The following HYDIN variants were observed in gnomAD, a reference collection of about 807,000 sequenced individuals.
HYDIN encodes HYDIN axonemal central pair apparatus protein, also known as axonemal central pair apparatus protein HYDIN.
In HYDIN, 132 loss-of-function variants were observed where a neutral mutation model predicts 403.9. That is an observed-to-expected ratio of 0.33 (90% CI 0.28 to 0.38). The LOEUF is 0.38. Ranked by LOEUF, HYDIN falls within the 10% of genes least tolerant of loss-of-function variation. The pLI is 1.00. For missense variants in HYDIN, 2,827 were observed against 5,009.5 expected (o/e 0.56, Z 13.15); for synonymous variants, 1,202 against 1,891.7 (o/e 0.64, Z 9.46).
At chr16:70,937,019 G>C (rs1166517811) in intron 44 of HYDIN, among the ~76,000 whole-genome samples, 2 of 151,568 alleles carry the variant, frequency 1.3e-5, no homozygotes, top group African/African-American at 2.4e-5. Context: ...GTGAGGGAAT[G>C]GTACTTCTGA....
At chr16:71,016,376 G>A (rs536501193) in intron 23 of HYDIN, among the ~76,000 whole-genome samples, 5 of 152,150 alleles carry the variant, frequency 3.3e-5, no homozygotes, top group African/African-American at 7.2e-5. Context: ...GATGCTCAAC[G>A]TCATTAAATA....
chr16:71,197,779 T>C (rs534523214), intron 1 of HYDIN, among the ~76,000 whole-genome samples: 4 of 152,240 alleles, frequency 2.6e-5, no homozygotes, highest in Admixed American at 6.5e-5. Flanking sequence ...TGAGACAGAG[T>C]CTTACCCACC....
At chr16:71,019,023 A>G (rs1344149752) in intron 22 of HYDIN, among the ~76,000 whole-genome samples, 1 of 150,818 alleles carries the variant, frequency 6.6e-6, no homozygotes, top group Admixed American at 6.6e-5. Flanking sequence ...TTTTAAGCAC[A>G]GTGTCATCCA....
intron 23 of HYDIN, among the ~76,000 whole-genome samples, chr16:70,995,109 C>T (rs1416986664): frequency 6.6e-6 from 1 of 152,156 alleles, no homozygotes. Flanking sequence ...CTGCTTGCCC[C>T]CTGAGCCACA....
chr16:71,146,539 A>ATTT (rs1200986381), intron 7 of HYDIN, among the ~76,000 whole-genome samples: 4 of 70,386 alleles, frequency 5.7e-5, no homozygotes, highest in African/African-American at 8.3e-5. Context: ...CAGGAGGTTC[A>ATTT]AATATATCTA....
chr16:71,047,927 T>A (rs944906048), intron 18 of HYDIN, among the ~76,000 whole-genome samples: 2 of 151,924 alleles, frequency 1.3e-5, no homozygotes, highest in Non-Finnish European at 2.9e-5. Context: ...TATAGAACAC[T>A]AGAGCTTATT....
intron 75 of HYDIN, among the ~76,000 whole-genome samples, chr16:70,842,314 G>C (rs2037883266): frequency 6.6e-6 from 1 of 152,132 alleles, no homozygotes; most frequent in Non-Finnish European, 1.5e-5. Context: ...TTGTTGAATT[G>C]TTTATTTCTT....
At chr16:71,184,064 A>T (rs2087022453) in intron 3 of HYDIN, among the ~76,000 whole-genome samples, 1 of 152,168 alleles carries the variant, frequency 6.6e-6, no homozygotes, top group South Asian at 2.1e-4. Flanking sequence ...ATAAAAAGCT[A>T]GCAATGCTCA....
At position 70,941,636 on chromosome 16, in the gene HYDIN, C is replaced by T. The variant is rs376758579; in HGVS notation, c.6853G>A (p.Glu2285Lys). Residue 2285 changes from glutamate to lysine, a missense_variant and splice_region_variant, in exon 43 of 86, where the codon GAA becomes AAA. Transcript: ENST00000393567. ...AQEKAKKEQE[E>K]RKHKGALEKE... ...CCAATGGAAAGGTAGGAGGCCTTGCCTTCTTGCTCCTTTTTGGCTTTCTCC... is the reference window on the plus strand; with the variant it reads ...CCAATGGAAAGGTAGGAGGCCTTGCTTTCTTGCTCCTTTTTGGCTTTCTCC... 3 of 1,531,750 alleles carry T rather than the reference C, an allele frequency of 2.0e-6. No homozygotes were observed. Among genetic ancestry groups the T allele is most frequent in the South Asian group, 1.3e-5 (1 of 78,894 alleles). 94.9% of individuals were successfully genotyped at this position (1,531,750 alleles called of 1,614,324 possible). A position where few individuals can be genotyped will look rare whatever the true frequency, so the allele number is the denominator to read the frequency against.
chr16:71,068,099 T>C (rs1266209098), intron 14 of HYDIN, among the ~76,000 whole-genome samples: 1 of 148,592 alleles, frequency 6.7e-6, no homozygotes, highest in Non-Finnish European at 1.5e-5. Flanking sequence ...AGGGAGGCTC[T>C]TGGGGGGCTC....
chr16:71,106,976 T>TA (rs2083639669), intron 10 of HYDIN, among the ~76,000 whole-genome samples: 1 of 146,124 alleles, frequency 6.8e-6, no homozygotes, highest in Non-Finnish European at 1.5e-5. Context: ...TATGCAGCCA[T>TA]AAAAAATGAT....
At chr16:70,879,829 G>A (rs1212808273) in intron 60 of HYDIN, 73 bp from the exon 61 acceptor site, 38 of 583,954 alleles carry the variant, frequency 6.5e-5, no homozygotes, top group Non-Finnish European at 1.0e-4. Flanking sequence ...TTATTTTCAG[G>A]AGTCCCCCAC....
chr16:70,875,077 AT>A (rs1388846767), intron 62 of HYDIN, among the ~76,000 whole-genome samples, 158 bp from the exon 63 acceptor site: 1 of 152,080 alleles, frequency 6.6e-6, no homozygotes, highest in Admixed American at 6.5e-5. Flanking sequence ...TAAATAATAA[AT>A]ATTAGACCTG....
intron 18 of HYDIN, among the ~76,000 whole-genome samples, chr16:71,056,355 C>A (rs1317669622): frequency 6.6e-6 from 1 of 152,092 alleles, no homozygotes; most frequent in Non-Finnish European, 1.5e-5. Context: ...AAAATATAAT[C>A]TTCACTGTTT....
rs543824676 is a variant in HYDIN, at chr16:71,120,611, A to T, written c.1228-4816T>A. The stretch of plus-strand genomic sequence containing the variant: ...AATACTTACAGGGGATCTTTAAAAA[A>T]AACTCCCTTGAAAATCCTTAAACAA... On this transcript the variant is annotated intron_variant, in intron 9 of 85. Coordinates refer to ENST00000393567, the MANE Select transcript of HYDIN (RefSeq NM_001270974.2). Among the ~76,000 whole-genome samples the T allele has an allele frequency of 4.6e-5, 7 of 151,994 alleles. No individual in the cohort carries two copies. The East Asian group carries it at 1.4e-3, about 29-fold the overall frequency.
At chr16:70,850,248 C>T (rs1352691219) in intron 74 of HYDIN, among the ~76,000 whole-genome samples, 200 bp downstream of exon 74, 3 of 103,058 alleles carry the variant, frequency 2.9e-5, no homozygotes, top group African/African-American at 1.7e-4. Flanking sequence ...ATCTCTCCAC[C>T]CCCCCCTGAA....
At chr16:70,938,929 C>A (rs913347072) in intron 43 of HYDIN, among the ~76,000 whole-genome samples, 174 bp from the exon 44 acceptor site, 2 of 152,118 alleles carry the variant, frequency 1.3e-5, no homozygotes, top group Non-Finnish European at 2.9e-5. Flanking sequence ...CACATTTGGG[C>A]TCTGTCTGCA....
At position 70,938,650 on chromosome 16, in the gene HYDIN, C is replaced by T. The variant is rs752976886; in HGVS notation, c.6959G>A (p.Arg2320Gln). ...LTEEEKLTFD[R>Q]GIQQALRERK... ...CTCGCGGAGCGCCTGCTGAATCCCC[C>T]GATCGAATGTGAGTTTCTCCTCCTC... The change falls in exon 44 of 86, where the codon CGG becomes CAG. Residue 2320 changes from arginine to glutamine, a missense_variant. Arg to Gln is a conservative substitution (Grantham distance 43, BLOSUM62 1). Transcript: ENST00000393567. 61 of 1,606,214 alleles carry T rather than the reference C, an allele frequency of 3.8e-5. No individual in the cohort carries two copies. The East Asian group carries it at 4.2e-4, about 11-fold the overall frequency.
chr16:71,081,201 C>A (rs1328602641), intron 12 of HYDIN, among the ~76,000 whole-genome samples: 1 of 152,130 alleles, frequency 6.6e-6, no homozygotes, highest in Non-Finnish European at 1.5e-5. Flanking sequence ...TCTCCATGAT[C>A]CATGTAAAGA....
Sources: allele counts gnomAD v4.1 joint callset (sites outside exome capture counted in the v4.1 genomes callset), GRCh38; gene constraint gnomAD v4.1.1; transcripts MANE v1.5; gene names NCBI Gene and HGNC (gene_info 2026-07-23, HGNC 2026-07-21).